The following TGFBR3 variants were observed in gnomAD, a reference collection of about 807,000 sequenced individuals.
The protein encoded by TGFBR3 is transforming growth factor beta receptor type 3.
In TGFBR3, 46 loss-of-function variants were observed where a neutral mutation model predicts 87.9. That is an observed-to-expected ratio of 0.52 (90% CI 0.41 to 0.67). The LOEUF (loss-of-function observed/expected upper bound fraction) is 0.67, where lower values mean the gene tolerates loss of function less well. Ranked by LOEUF, TGFBR3 falls within the 30% of genes least tolerant of loss-of-function variation. The probability of loss-of-function intolerance (pLI) is 0.00; values close to 1 mark genes in which losing one functional copy is unlikely to be tolerated. For synonymous variants in TGFBR3, 381 were observed against 391.6 expected (o/e 0.97, Z 0.32); for missense variants, 866 against 1,041.9 (o/e 0.83, Z 2.32).
chr1:91,708,039 C>A (rs536783069), intron 14 of TGFBR3, among the ~76,000 whole-genome samples: 36 of 152,340 alleles, frequency 2.4e-4, no homozygotes, highest in African/African-American at 8.7e-4. Flanking sequence ...ATGCCACACC[C>A]CTTAGGGCAC....
chr1:91,682,964 G>A lies in TGFBR3; in HGVS notation c.*775C>T, dbSNP rs1224747566. On this transcript the variant is annotated 3_prime_UTR_variant, in exon 17 of 17. Transcript: ENST00000212355. ...ATATTAGGAATGGGCACAAATCTGT[G>A]GTTCCTGATTTTGGTCATTTTCAAT... The A allele has an allele frequency of 2.2e-6, 1 of 454,422 alleles. No individual in the cohort carries two copies. Among genetic ancestry groups the A allele is most frequent in the Non-Finnish European group, 4.4e-6 (1 of 226,774 alleles). 28.1% of individuals were successfully genotyped at this position (454,422 alleles called of 1,614,324 possible).
intron 4 of TGFBR3, among the ~76,000 whole-genome samples, chr1:91,756,369 G>A (rs985099718): frequency 3.3e-5 from 5 of 152,162 alleles, no homozygotes; most frequent in Admixed American, 6.5e-5. Flanking sequence ...TTATGAGTAC[G>A]AAGGCAGACA....
intron 4 of TGFBR3, among the ~76,000 whole-genome samples, chr1:91,744,211 A>G (rs1415499212): frequency 6.6e-6 from 1 of 151,038 alleles, no homozygotes; most frequent in African/African-American, 2.4e-5. Context: ...CAGCCTCCCG[A>G]GTAGCTGGGA....
intron 3 of TGFBR3, among the ~76,000 whole-genome samples, chr1:91,790,176 G>A (rs942483762): frequency 1.9e-4 from 29 of 152,130 alleles, no homozygotes; most frequent in African/African-American, 6.5e-4. Flanking sequence ...CATATACAAC[G>A]GTGGTCTCAT....
At chr1:91,790,752 T>A (rs1183230045) in intron 3 of TGFBR3, among the ~76,000 whole-genome samples, 1 of 152,172 alleles carries the variant, frequency 6.6e-6, no homozygotes, top group East Asian at 1.9e-4. Flanking sequence ...CATTAGGAAG[T>A]CATTTATGAA....
chr1:91,878,435 G>A (rs1465449158), intron 1 of TGFBR3, among the ~76,000 whole-genome samples: 4 of 152,064 alleles, frequency 2.6e-5, no homozygotes, highest in African/African-American at 4.8e-5. Context: ...CTAACAAAAC[G>A]AATACTCCCA....
chr1:91,796,645 T>C (rs1218655925), intron 3 of TGFBR3, among the ~76,000 whole-genome samples: 1 of 152,178 alleles, frequency 6.6e-6, no homozygotes, highest in Non-Finnish European at 1.5e-5. Flanking sequence ...CAGGAGGAAA[T>C]GGGAAAGACA....
chr1:91,861,477 T>C lies in TGFBR3; in HGVS notation c.55A>G (p.Thr19Ala), dbSNP rs147586574. ...TTTATATTATGCAACTTACCTGCAG[T>C]GGCTAAACAGGAGCTCATCAGGGCA... ...IFALMSSCLA[T>A]AGPEPGALCE... Residue 19 changes from threonine (T) to alanine (A), a missense_variant, in exon 2 of 17, where the codon ACT (threonine) becomes GCT (alanine). By Grantham distance (58) the Thr-to-Ala change is moderately conservative. Transcript: ENST00000212355. The C allele has an allele frequency of 3.1e-3, 5,023 of 1,611,870 alleles. 40 individuals carry two copies. Among genetic ancestry groups the C allele is most frequent in the Non-Finnish European group, 2.6e-3 (3,015 of 1,177,996 alleles).
intron 1 of TGFBR3, among the ~76,000 whole-genome samples, chr1:91,880,881 T>C (rs1035708403): frequency 1.3e-5 from 2 of 149,552 alleles, no homozygotes; most frequent in Admixed American, 1.3e-4. Context: ...ATACAATATA[T>C]AGTTATAGAT....
intron 1 of TGFBR3, chr1:91,863,758 T>C (rs1678281923): frequency 6.6e-6 from 1 of 152,232 alleles, no homozygotes; most frequent in Admixed American, 6.5e-5. Context: ...AAGTCATCAA[T>C]GACACAACGG....
At chr1:91,723,269 C>T (rs1465566344) in intron 7 of TGFBR3, among the ~76,000 whole-genome samples, 1 of 151,808 alleles carries the variant, frequency 6.6e-6, no homozygotes, top group Non-Finnish European at 1.5e-5. Context: ...ACTGCTTGAG[C>T]CCAAGAGTTT....
At chr1:91,896,608 C>T (rs1679557436) in intron 2 of TGFBR3, among the ~76,000 whole-genome samples, 1 of 152,116 alleles carries the variant, frequency 6.6e-6, no homozygotes, top group Non-Finnish European at 1.5e-5. Context: ...AAATCAAACC[C>T]CCTAGGCTGG....
chr1:91,891,677 G>GT (rs1441166911), intron 2 of TGFBR3, among the ~76,000 whole-genome samples: 1 of 152,196 alleles, frequency 6.6e-6, no homozygotes, highest in Non-Finnish European at 1.5e-5. Flanking sequence ...TTAAGAATGT[G>GT]TGACAGAACA....
At chr1:91,863,353 G>A in intron 1 of TGFBR3, among the ~76,000 whole-genome samples, 1 of 152,208 alleles carries the variant, frequency 6.6e-6, no homozygotes, top group East Asian at 1.9e-4. Context: ...GCCTGGGTGT[G>A]AATCCACTCT....
At chr1:91,683,906 T>C (rs748292313) in intron 16 of TGFBR3, 49 bp from the exon 17 acceptor site, 4 of 1,469,992 alleles carry the variant, frequency 2.7e-6, no homozygotes, top group Admixed American at 1.9e-5. Context: ...GCATATTATG[T>C]ATGTGCATTC....
At chr1:91,864,701 A>G (rs1447821689) in intron 1 of TGFBR3, among the ~76,000 whole-genome samples, 1 of 152,188 alleles carries the variant, frequency 6.6e-6, no homozygotes, top group Non-Finnish European at 1.5e-5. Flanking sequence ...TCAGTGCCTT[A>G]ACACCCGACT....
chr1:91,684,822 G>A (rs1671036470), intron 16 of TGFBR3, among the ~76,000 whole-genome samples: 1 of 152,214 alleles, frequency 6.6e-6, no homozygotes, highest in Non-Finnish European at 1.5e-5. Flanking sequence ...AAAAGTCAGA[G>A]CATAAACTTC....
chr1:91,894,158 G>A (rs995156126), intron 2 of TGFBR3, among the ~76,000 whole-genome samples: 3 of 152,026 alleles, frequency 2.0e-5, no homozygotes, highest in Admixed American at 2.0e-4. Context: ...CACATCTGCC[G>A]ATTTTATCTA....
chr1:91,886,544 T>C (rs1479247673), upstream of TGFBR3, among the ~76,000 whole-genome samples: 1 of 152,162 alleles, frequency 6.6e-6, no homozygotes, highest in Non-Finnish European at 1.5e-5. Flanking sequence ...CTTTGAACTT[T>C]CCAGGGCTCC....
Sources: allele counts gnomAD v4.1 joint callset (sites outside exome capture counted in the v4.1 genomes callset), GRCh38; gene constraint gnomAD v4.1.1; transcripts MANE v1.5; gene names NCBI Gene and HGNC (gene_info 2026-07-23, HGNC 2026-07-21).